The following GLRA1 variants were observed in gnomAD, a reference collection of about 807,000 sequenced individuals.
GLRA1 encodes glycine receptor alpha 1, also known as glycine receptor subunit alpha-1.
In GLRA1, 37 loss-of-function variants were observed where a neutral mutation model predicts 48.3. The observed-to-expected ratio is 0.77, with a 90% confidence interval of 0.59 to 1.01. GLRA1 has a LOEUF of 1.01. Ranked by LOEUF, GLRA1 falls within the 50% of genes least tolerant of loss-of-function variation. The pLI is 0.00. For missense variants in GLRA1, 427 were observed against 571.0 expected (o/e 0.75, Z 2.57); for synonymous variants, 196 against 210.7 (o/e 0.93, Z 0.60).
At chr5:151,850,317 G>A in intron 7 of GLRA1, 3 of 1,583,668 alleles carry the variant, frequency 1.9e-6, no homozygotes, top group Non-Finnish European at 2.6e-6. Flanking sequence ...AATCAGCATG[G>A]GAGATCATTT....
chr5:151,838,297 G>A (rs971196328), intron 7 of GLRA1, among the ~76,000 whole-genome samples: 3 of 151,982 alleles, frequency 2.0e-5, no homozygotes, highest in Non-Finnish European at 2.9e-5. Context: ...GTGAAACCTC[G>A]TCTCTACTAA....
chr5:151,833,958 T>C (rs551489942), intron 7 of GLRA1, among the ~76,000 whole-genome samples: 2 of 152,032 alleles, frequency 1.3e-5, no homozygotes, highest in African/African-American at 4.8e-5. Context: ...GCACCCCATA[T>C]ACACCCAGAT....
chr5:151,842,340 C>T (rs1293451068), intron 7 of GLRA1, among the ~76,000 whole-genome samples: 1 of 129,928 alleles, frequency 7.7e-6, no homozygotes, highest in South Asian at 2.6e-4. Context: ...CTTATGAATA[C>T]AGACAAAAAA....
Position 151,906,225 on chromosome 5 carries a change from C to T in GLRA1, c.57-13787G>A, listed in dbSNP as rs1174291221. 2.0e-5 allele frequency among the ~76,000 whole-genome samples: 3 copies of T among 152,192 alleles called. No homozygotes were observed. The East Asian group carries it at 5.8e-4, about 29-fold the overall frequency. The stretch of plus-strand genomic sequence containing the variant: ...ATCAAGTGAGAACTGCAGTGCCAGG[C>T]ACAGAGAAACTACTGAGTATGTTAG... On this transcript the variant is annotated intron_variant, in intron 1 of 8. Transcript: ENST00000274576.
intron 6 of GLRA1, among the ~76,000 whole-genome samples, chr5:151,854,576 C>T (rs1204062386): frequency 1.3e-5 from 2 of 152,238 alleles, no homozygotes; most frequent in African/African-American, 4.8e-5. Flanking sequence ...GCTACACCAT[C>T]GTGGCTTCTC....
At chr5:151,836,039 A>C (rs541663622) in intron 7 of GLRA1, among the ~76,000 whole-genome samples, 1 of 152,368 alleles carries the variant, frequency 6.6e-6, no homozygotes, top group Admixed American at 6.5e-5. Flanking sequence ...TGCAGATGAC[A>C]TGATTGTATA....
At position 151,896,606 on chromosome 5, in the gene GLRA1, C is replaced by T. The variant is rs77235074; in HGVS notation, c.57-4168G>A. ...ATCCTCTGTTTTGTCAAGTGATTCA[C>T]TATGCATATTTTGAAAATCTCTAGT... On this transcript the variant is annotated intron_variant, in intron 1 of 8. Coordinates refer to ENST00000274576, the MANE Select transcript of GLRA1 (RefSeq NM_000171.4). Among the ~76,000 whole-genome samples, 1,323 of 152,288 alleles carry T rather than the reference C, an allele frequency of 8.7e-3. 19 individuals are homozygous for T. The highest frequency in any genetic ancestry group is 0.031 in the African/African-American group (1,274 of 41,542).
intron 1 of GLRA1, among the ~76,000 whole-genome samples, chr5:151,911,321 A>G (rs191315361): frequency 2.0e-5 from 3 of 152,156 alleles, no homozygotes; most frequent in African/African-American, 7.2e-5. Context: ...GCTCTTTTGT[A>G]TGCTCCCACA....
Position 151,856,384 on chromosome 5 carries a change from C to T in GLRA1, c.477-1G>A, listed in dbSNP as rs762864856. ...GGGGCAGGCCAGTGTCAGGGTGATT[C>T]TGGGAAGAGAAGGGATTTTGAATGA... On this transcript the variant is annotated splice_acceptor_variant, in intron 4 of 8. Transcript: ENST00000274576. LOFTEE classifies it high-confidence loss of function. The T allele has an allele frequency of 6.2e-7, 1 of 1,604,734 alleles. No homozygotes were observed.
chr5:151,864,401 A>T (rs1249531400), intron 3 of GLRA1, among the ~76,000 whole-genome samples: 2 of 152,230 alleles, frequency 1.3e-5, no homozygotes, highest in Non-Finnish European at 2.9e-5. Context: ...CCTGCAAGCT[A>T]GACATTCAGA....
chr5:151,828,801 A>G (rs960022073), intron 8 of GLRA1, 120 bp downstream of exon 8: 3 of 1,059,404 alleles, frequency 2.8e-6, no homozygotes, highest in African/African-American at 3.2e-5. Context: ...TCCTATTTCT[A>G]ACCTGCCTTG....
At chr5:151,855,965 G>A (rs1753030737) in intron 5 of GLRA1, among the ~76,000 whole-genome samples, 1 of 152,186 alleles carries the variant, frequency 6.6e-6, no homozygotes, top group African/African-American at 2.4e-5. Flanking sequence ...TGTGCAGTCA[G>A]TTGTTTACCT....
At chr5:151,826,660 T>C (rs1763277681) in intron 8 of GLRA1, among the ~76,000 whole-genome samples, 1 of 152,216 alleles carries the variant, frequency 6.6e-6, no homozygotes, top group African/African-American at 2.4e-5. Context: ...TGATCAAATC[T>C]AGCTAGTGGC....
chr5:151,852,450 CTCTT>C lies in GLRA1; in HGVS notation c.698-850_698-847del, dbSNP rs576561137. Among the ~76,000 whole-genome samples the C allele has an allele frequency of 2.5e-4, 38 of 152,360 alleles. No individual in the cohort carries two copies. The South Asian group carries it at 7.0e-3, about 28-fold the overall frequency. The stretch of plus-strand genomic sequence containing the variant: ...AGTGAGTGAATGGGCAAGTCAGTCT[CTCTT>C]TCTATCTGTCTTCTGCACTAGACTA... On this transcript the variant is annotated intron_variant, in intron 6 of 8. Transcript: ENST00000274576.
intron 3 of GLRA1, among the ~76,000 whole-genome samples, chr5:151,878,741 G>A (rs1753687688): frequency 6.6e-6 from 1 of 152,180 alleles, no homozygotes; most frequent in African/African-American, 2.4e-5. Context: ...CTTCCACGTG[G>A]CATTGAGCCT....
intron 1 of GLRA1, among the ~76,000 whole-genome samples, chr5:151,922,190 C>A (rs1754892691): frequency 6.6e-6 from 1 of 152,202 alleles, no homozygotes; most frequent in Non-Finnish European, 1.5e-5. Context: ...CAACACAGCA[C>A]CCATCCCCTG....
intron 1 of GLRA1, among the ~76,000 whole-genome samples, chr5:151,909,872 A>T: frequency 6.6e-6 from 1 of 151,970 alleles, no homozygotes; most frequent in Admixed American, 6.6e-5. Flanking sequence ...AACAACTGGG[A>T]CATGTAATTC....
chr5:151,834,616 A>C (rs1248695844), intron 7 of GLRA1, among the ~76,000 whole-genome samples: 1 of 152,212 alleles, frequency 6.6e-6, no homozygotes, highest in African/African-American at 2.4e-5. Context: ...GACAAGAAAT[A>C]ACTAAAATCA....
At chr5:151,845,360 C>A (rs1282898722) in intron 7 of GLRA1, among the ~76,000 whole-genome samples, 1 of 152,144 alleles carries the variant, frequency 6.6e-6, no homozygotes, top group African/African-American at 2.4e-5. Context: ...AGAACTATTA[C>A]AACTCAATAA....
Sources: gnomAD v4.1 joint callset for allele counts (sites outside exome capture counted in the v4.1 genomes callset) on GRCh38, gnomAD v4.1.1 for gene constraint, MANE v1.5 for transcripts, NCBI Gene and HGNC (gene_info 2026-07-23, HGNC 2026-07-21) for gene names.